The following CUX1 variants were observed in gnomAD, a reference collection of about 807,000 sequenced individuals.
CUX1 encodes the protein cut like homeobox 1, also known as protein CASP.
A neutral mutation model predicts 158.8 loss-of-function variants in CUX1; 31 were observed. The ratio of observed to expected loss-of-function variants is 0.20; its 90% CI spans 0.15 to 0.26. The LOEUF is 0.26. Ranked by LOEUF, CUX1 falls within the 10% of genes least tolerant of loss-of-function variation. CUX1 has a pLI of 1.00. For synonymous variants in CUX1, 879 were observed against 862.1 expected (o/e 1.02, Z -0.34); for missense variants, 1,589 against 2,014.6 (o/e 0.79, Z 4.04).
At chr7:101,866,387 C>T (rs1797929125) in intron 1 of CUX1, among the ~76,000 whole-genome samples, 1 of 152,274 alleles carries the variant, frequency 6.6e-6, no homozygotes, top group Middle Eastern at 3.4e-3. Context: ...ACTAGAATCT[C>T]GAACCTGGGA....
chr7:102,019,588 C>A (rs1819099256), intron 2 of CUX1, among the ~76,000 whole-genome samples: 1 of 152,160 alleles, frequency 6.6e-6, no homozygotes, highest in African/African-American at 2.4e-5. Flanking sequence ...CCACCTGCAG[C>A]TTCAGGGTAC....
At chr7:102,125,895 C>G (rs113218041) in intron 8 of CUX1, 10,414 of 152,062 alleles carry the variant, frequency 0.068, 489 homozygotes, top group African/African-American at 0.13. Flanking sequence ...GTGATATGAT[C>G]TTGGCTCACT....
At chr7:102,170,679 C>T (rs535632331) in intron 10 of CUX1, 129 bp downstream of exon 10, 51 of 635,816 alleles carry the variant, frequency 8.0e-5, no homozygotes, top group African/African-American at 2.8e-4. Context: ...ACTGCTTTCT[C>T]GGTGGGGTTT....
chr7:101,885,211 T>A (rs1800104282), intron 1 of CUX1, among the ~76,000 whole-genome samples: 1 of 152,152 alleles, frequency 6.6e-6, no homozygotes, highest in South Asian at 2.1e-4. Context: ...GTGCCCTGAT[T>A]GGGGCTGGAT....
chr7:101,967,137 C>T (rs1811325637), intron 2 of CUX1, among the ~76,000 whole-genome samples: 1 of 152,080 alleles, frequency 6.6e-6, no homozygotes, highest in Admixed American at 6.5e-5. Flanking sequence ...CCTCAGCCTC[C>T]TGAGTAGCTG....
chr7:102,253,900 C>G lies in CUX1; in HGVS notation c.*4858C>G. ...GGCCCTGTCCCTCCCCAGATGTCCT[C>G]CCTCTTCTTCACACTCCTCATTGTC... On this transcript the variant is annotated 3_prime_UTR_variant, in exon 24 of 24. Coordinates refer to ENST00000292535, the MANE Select transcript of CUX1 (RefSeq NM_181552.4). The G allele has an allele frequency of 1.0e-6, 1 of 985,736 alleles. No homozygotes were observed. The highest frequency in any genetic ancestry group is 1.2e-6 in the Non-Finnish European group (1 of 830,178). 61.1% of individuals were successfully genotyped at this position (985,736 alleles called of 1,614,324 possible). A position where few individuals can be genotyped will look rare whatever the true frequency, so the allele number is the denominator to read the frequency against.
intron 4 of CUX1, among the ~76,000 whole-genome samples, chr7:102,081,004 A>T (rs1827321895): frequency 1.3e-5 from 2 of 152,004 alleles, no homozygotes; most frequent in African/African-American, 4.8e-5. Context: ...AAAATACATG[A>T]CCGATACCTT....
intron 1 of CUX1, among the ~76,000 whole-genome samples, chr7:101,897,462 C>T (rs983275166): frequency 2.0e-5 from 3 of 150,940 alleles, no homozygotes; most frequent in African/African-American, 7.3e-5. Context: ...GATCGTGCCA[C>T]TGTACTCCAG....
chr7:101,919,115 A>G (rs1804578938), intron 2 of CUX1, among the ~76,000 whole-genome samples: 1 of 152,176 alleles, frequency 6.6e-6, no homozygotes, highest in Non-Finnish European at 1.5e-5. Context: ...TAAGACCAGA[A>G]CAGTGGTGGG....
chr7:101,826,206 T>C (rs1793274941), intron 1 of CUX1, among the ~76,000 whole-genome samples: 1 of 151,860 alleles, frequency 6.6e-6, no homozygotes, highest in South Asian at 2.1e-4. Flanking sequence ...TTTTTTTTTG[T>C]TTTTGATTTT....
chr7:101,829,534 T>C (rs562290900), intron 1 of CUX1, among the ~76,000 whole-genome samples: 1 of 152,154 alleles, frequency 6.6e-6, no homozygotes, highest in South Asian at 2.1e-4. Context: ...GTGTTTTTCC[T>C]CCCGACCTGC....
At chr7:102,084,265 T>C (rs1341538059) in intron 4 of CUX1, among the ~76,000 whole-genome samples, 2 of 146,774 alleles carry the variant, frequency 1.4e-5, no homozygotes, top group Non-Finnish European at 3.0e-5. Context: ...AATTTTTACA[T>C]TTTAACAAAT....
At chr7:102,239,297 G>A (rs781861634) in intron 22 of CUX1, 23 bp from the exon 23 acceptor site, 2 of 1,588,610 alleles carry the variant, frequency 1.3e-6, no homozygotes, top group African/African-American at 1.3e-5. Context: ...CCTGACCTTA[G>A]TCTGCCATCT....
At chr7:102,225,900 C>T (rs1798302120) in intron 20 of CUX1, among the ~76,000 whole-genome samples, 1 of 152,252 alleles carries the variant, frequency 6.6e-6, no homozygotes, top group African/African-American at 2.4e-5. Context: ...TGGGGTCTTA[C>T]TCTGTGTCAC....
In CUX1 at chr7:102,000,013, T is replaced by C. The variant is rs544533761; in HGVS notation, c.142-28085T>C. The stretch of plus-strand genomic sequence containing the variant: ...AGGAGGATCACCTGAGGTCAGGAGC[T>C]CAAGACCAGCCTGGCCAACATGGCG... On this transcript the variant is annotated intron_variant, in intron 2 of 23. Coordinates refer to ENST00000292535, the MANE Select transcript of CUX1 (RefSeq NM_181552.4). Among the ~76,000 whole-genome samples the C allele has an allele frequency of 2.6e-5, 4 of 152,008 alleles. No homozygotes were observed. In the South Asian group the frequency reaches 8.3e-4, roughly 31 times the overall value.
chr7:102,279,700 C>G (rs904000405), intron 18 of CUX1, among the ~76,000 whole-genome samples: 3 of 152,192 alleles, frequency 2.0e-5, no homozygotes, highest in Non-Finnish European at 2.9e-5. Flanking sequence ...GGCGTCTCCT[C>G]TCCCAGCTGC....
chr7:102,265,614 T>C (rs1034221734), intron 14 of CUX1, among the ~76,000 whole-genome samples: 14 of 151,836 alleles, frequency 9.2e-5, no homozygotes, highest in African/African-American at 3.4e-4. Flanking sequence ...TTTTAATTTT[T>C]TGTAGCGACA....
At position 102,253,180 on chromosome 7, in the gene CUX1, T is replaced by G; in HGVS notation, c.*4138T>G. On this transcript the variant is annotated 3_prime_UTR_variant, in exon 24 of 24. Transcript: ENST00000292535. ...ATCCTGTCTGATGTGGACGTTCAGG[T>G]CTGCTGGTTGGCGGTCCGGGCCCAG... The G allele has an allele frequency of 1.0e-6, 1 of 985,526 alleles. No homozygotes were observed. Among genetic ancestry groups the G allele is most frequent in the Non-Finnish European group, 1.2e-6 (1 of 829,974 alleles). The allele number at this position is 985,526 out of a possible 1,614,324, so 61.0% of individuals were successfully genotyped here.
chr7:102,158,837 A>G (rs1342215621), intron 9 of CUX1, among the ~76,000 whole-genome samples: 1 of 152,240 alleles, frequency 6.6e-6, no homozygotes, highest in Non-Finnish European at 1.5e-5. Flanking sequence ...CATCTCAGAC[A>G]TCCCATGGTG....
Sources: allele counts gnomAD v4.1 joint callset (sites outside exome capture counted in the v4.1 genomes callset), GRCh38; gene constraint gnomAD v4.1.1; transcripts MANE v1.5; gene names NCBI Gene and HGNC (gene_info 2026-07-23, HGNC 2026-07-21).